DDR2: variants seen among roughly 807,000 people sequenced by gnomAD.
DDR2 encodes the protein discoidin domain-containing receptor 2.
DDR2 carries 27 observed loss-of-function variants against 94.9 expected under a neutral mutation model. The ratio of observed to expected loss-of-function variants is 0.28; its 90% CI spans 0.21 to 0.39. The LOEUF (loss-of-function observed/expected upper bound fraction) is 0.39, where lower values mean the gene tolerates loss of function less well. Ranked by LOEUF, DDR2 falls within the 10% of genes least tolerant of loss-of-function variation. The pLI, the probability that DDR2 is intolerant of heterozygous loss-of-function variation, is 1.00. For missense variants in DDR2, 783 were observed against 1,076.0 expected, an observed-to-expected ratio of 0.73 and a Z score of 3.81; for synonymous variants, 382 against 377.2, an observed-to-expected ratio of 1.01 and a Z score of -0.15.
chr1:162,688,346 G>T (rs1659792668), intron 2 of DDR2, among the ~76,000 whole-genome samples: 1 of 152,108 alleles, frequency 6.6e-6, no homozygotes, highest in Non-Finnish European at 1.5e-5. Flanking sequence ...CTATTTTCTG[G>T]GTAATTCCCA....
At chr1:162,631,180 CATTGTGTGTGT>C (rs1259676103), upstream of DDR2, among the ~76,000 whole-genome samples, 3 of 113,334 alleles carry the variant, frequency 2.6e-5, no homozygotes, top group Non-Finnish European at 5.4e-5. Context: ...TGGCCACCCT[CATTGTGTGTGT>C]GTGTGTGTGT....
intron 17 of DDR2, among the ~76,000 whole-genome samples, chr1:162,779,686 A>C (rs1250358506): frequency 6.6e-6 from 1 of 152,214 alleles, no homozygotes; most frequent in Non-Finnish European, 1.5e-5. Flanking sequence ...TACTATAGTC[A>C]AAGGAAAATT....
At chr1:162,671,084 A>T (rs4656377) in intron 2 of DDR2, among the ~76,000 whole-genome samples, 2 of 152,064 alleles carry the variant, frequency 1.3e-5, no homozygotes, top group Admixed American at 1.3e-4. Context: ...GTCAGCACAC[A>T]TACACGCATG....
chr1:162,774,937 C>T (rs1433417563), intron 14 of DDR2, among the ~76,000 whole-genome samples: 1 of 152,160 alleles, frequency 6.6e-6, no homozygotes, highest in African/African-American at 2.4e-5. Flanking sequence ...AACTCATCTG[C>T]TCCAACAGTT....
intron 1 of DDR2, among the ~76,000 whole-genome samples, chr1:162,637,524 T>G (rs1270316220): frequency 6.6e-6 from 1 of 152,144 alleles, no homozygotes; most frequent in Non-Finnish European, 1.5e-5. Context: ...TAGTATTATG[T>G]TTTATTTGCT....
At chr1:162,744,181 C>T (rs1480940043) in intron 3 of DDR2, among the ~76,000 whole-genome samples, 1 of 152,142 alleles carries the variant, frequency 6.6e-6, no homozygotes, top group Non-Finnish European at 1.5e-5. Context: ...GAGACCTGCT[C>T]TCTGAACAAG....
chr1:162,753,499 G>C (rs1663313071), intron 4 of DDR2, among the ~76,000 whole-genome samples: 1 of 152,136 alleles, frequency 6.6e-6, no homozygotes, highest in Admixed American at 6.5e-5. Flanking sequence ...TTCTCATTGT[G>C]AGCTGCTGCA....
intron 3 of DDR2, among the ~76,000 whole-genome samples, chr1:162,721,038 A>AT (rs1254669712): frequency 1.3e-5 from 2 of 152,042 alleles, no homozygotes; most frequent in Non-Finnish European, 2.9e-5. Context: ...CTTGGGTACC[A>AT]TTTTTTCCTT....
At chr1:162,664,876 T>C (rs989371381) in intron 2 of DDR2, among the ~76,000 whole-genome samples, 1 of 152,206 alleles carries the variant, frequency 6.6e-6, no homozygotes, top group African/African-American at 2.4e-5. Context: ...TCCCTGGGAT[T>C]CTGAGAATTT....
At chr1:162,658,551 C>A (rs1658123560) in intron 2 of DDR2, among the ~76,000 whole-genome samples, 1 of 151,588 alleles carries the variant, frequency 6.6e-6, no homozygotes, top group South Asian at 2.1e-4. Flanking sequence ...GCTCTTCAGG[C>A]CGCTCAATGG....
intron 2 of DDR2, among the ~76,000 whole-genome samples, chr1:162,668,615 TGTCTCTCTGTCTTTGTGTCC>T (rs1210340650): frequency 5.3e-5 from 8 of 152,180 alleles, no homozygotes; most frequent in East Asian, 1.9e-4. Flanking sequence ...TCATTGTGTA[TGTCTCTCTGTCTTTGTGTCC>T]GTCTCTCTGT....
chr1:162,735,450 C>A (rs1258477534), intron 3 of DDR2, among the ~76,000 whole-genome samples: 1 of 152,200 alleles, frequency 6.6e-6, no homozygotes, highest in African/African-American at 2.4e-5. Flanking sequence ...CCCCTCCCAG[C>A]AACCCCACCA....
chr1:162,782,546 A>G lies in DDR2; in HGVS notation c.*2300A>G, dbSNP rs893559577. 7.3e-6 allele frequency: 1 copy of G among 137,076 alleles called. No homozygotes were observed. Among genetic ancestry groups the G allele is most frequent in the Non-Finnish European group, 1.6e-5 (1 of 63,798 alleles). The allele number at this position is 137,076 out of a possible 1,614,324, so 8.5% of individuals were successfully genotyped here. ...ATATGTATTAGCTTCATTAGAATTA[A>G]AGGGACTTGAACTCAGGACCTGCAG... On this transcript the variant is annotated 3_prime_UTR_variant, in exon 18 of 18. Coordinates refer to ENST00000367921, the MANE Select transcript of DDR2 (RefSeq NM_006182.4).
chr1:162,635,733 C>G (rs1235661017), intron 1 of DDR2, among the ~76,000 whole-genome samples: 1 of 152,114 alleles, frequency 6.6e-6, no homozygotes. Flanking sequence ...AATTAGAAAC[C>G]CCAGGTAGAC....
At chr1:162,732,986 T>C (rs1662131384) in intron 3 of DDR2, among the ~76,000 whole-genome samples, 1 of 152,250 alleles carries the variant, frequency 6.6e-6, no homozygotes, top group Admixed American at 6.5e-5. Context: ...TGCCACAGCC[T>C]GTGCTGGTAG....
chr1:162,763,451 G>A (rs1406995675), intron 9 of DDR2, among the ~76,000 whole-genome samples: 1 of 138,774 alleles, frequency 7.2e-6, no homozygotes, highest in Non-Finnish European at 1.5e-5. Context: ...CAGCCGCCTA[G>A]GCCTCCCAAA....
chr1:162,749,078 A>G (rs900900164), intron 3 of DDR2, among the ~76,000 whole-genome samples: 3 of 152,256 alleles, frequency 2.0e-5, no homozygotes, highest in Non-Finnish European at 2.9e-5. Context: ...TGACACTCTA[A>G]CATCACAATT....
At chr1:162,763,165 T>A (rs1663826322) in intron 9 of DDR2, among the ~76,000 whole-genome samples, 1 of 151,308 alleles carries the variant, frequency 6.6e-6, no homozygotes, top group Non-Finnish European at 1.5e-5. Flanking sequence ...CAAGTTGTGC[T>A]GTCTTTGACT....
chr1:162,681,075 G>A (rs139140282), intron 2 of DDR2, among the ~76,000 whole-genome samples: 3 of 152,284 alleles, frequency 2.0e-5, no homozygotes, highest in Non-Finnish European at 4.4e-5. Context: ...CAGACTTTAA[G>A]CCTGGGCTCT....
Sources: gnomAD v4.1 joint callset for allele counts (sites outside exome capture counted in the v4.1 genomes callset) on GRCh38, gnomAD v4.1.1 for gene constraint, MANE v1.5 for transcripts, NCBI Gene and HGNC (gene_info 2026-07-23, HGNC 2026-07-21) for gene names.